Variants in FAM227A observed in about 807,000 individuals in gnomAD.
FAM227A encodes the protein family with sequence similarity 227 member A.
Under a neutral mutation model 74.7 loss-of-function variants are expected in FAM227A, and 80 were observed. That is an observed-to-expected ratio of 1.07 (90% CI 0.89 to 1.29). FAM227A has a LOEUF of 1.29. Ranked by LOEUF, FAM227A falls within the 50% of genes most tolerant of loss-of-function variation. FAM227A has a pLI of 0.00. For missense variants in FAM227A, 654 were observed against 683.4 expected, an observed-to-expected ratio of 0.96 and a Z score of 0.48; for synonymous variants, 237 against 241.8, an observed-to-expected ratio of 0.98 and a Z score of 0.19.
intron 15 of FAM227A, among the ~76,000 whole-genome samples, chr22:38,595,426 A>G (rs1258531251): frequency 6.6e-6 from 1 of 152,240 alleles, no homozygotes; most frequent in Non-Finnish European, 1.5e-5. Flanking sequence ...AAGAAAGATA[A>G]AAGAAAGTGA....
At chr22:38,635,793 A>C (rs1211730623) in intron 6 of FAM227A, among the ~76,000 whole-genome samples, 3 of 152,100 alleles carry the variant, frequency 2.0e-5, no homozygotes, top group Admixed American at 2.0e-4. Flanking sequence ...TGAGCCCTGG[A>C]GTTGGAGAAT....
chr22:38,608,467 G>A (rs1257846810), intron 11 of FAM227A, among the ~76,000 whole-genome samples: 2 of 151,726 alleles, frequency 1.3e-5, no homozygotes, highest in Non-Finnish European at 2.9e-5. Flanking sequence ...ATCTTGCTCC[G>A]TTGCCTAGGC....
intron 11 of FAM227A, among the ~76,000 whole-genome samples, chr22:38,608,155 C>CAA (rs35387385): frequency 1.1e-3 from 83 of 76,796 alleles, no homozygotes; most frequent in African/African-American, 1.2e-3. Flanking sequence ...CTTTTCTCTA[C>CAA]AAAAAAAAAA....
chr22:38,645,432 C>T, intron 3 of FAM227A, 131 bp downstream of exon 3: 1 of 610,542 alleles, frequency 1.6e-6, no homozygotes, highest in Non-Finnish European at 2.9e-6. Flanking sequence ...AAAAAATTAA[C>T]TTTGAATACT....
intron 9 of FAM227A, among the ~76,000 whole-genome samples, chr22:38,624,893 C>T (rs1279520079): frequency 6.6e-6 from 1 of 152,188 alleles, no homozygotes; most frequent in Non-Finnish European, 1.5e-5. Flanking sequence ...CGAGACTACA[C>T]TTAAACGCAG....
rs1305504982 is a variant in FAM227A, at chr22:38,628,955, AGTAT to A, written c.520-24_520-21del. On this transcript the variant is annotated intron_variant, in intron 6 of 16. Transcript: ENST00000535113. ...GAAATGCTTGGAAAAAAAAATTCAC[AGTAT>A]TATTATTGTTGTTATCTTTTTAAAA... 4.5e-6 allele frequency: 6 copies of A among 1,341,106 alleles called. No homozygotes were observed. Among genetic ancestry groups the A allele is most frequent in the African/African-American group, 3.0e-5 (2 of 66,472 alleles). The allele number at this position is 1,341,106 out of a possible 1,614,324, so 83.1% of individuals were successfully genotyped here. A position where few individuals can be genotyped will look rare whatever the true frequency, so the allele number is the denominator to read the frequency against.
chr22:38,653,156 T>C (rs954243505), intron 1 of FAM227A, among the ~76,000 whole-genome samples: 1 of 152,106 alleles, frequency 6.6e-6, no homozygotes, highest in African/African-American at 2.4e-5. Context: ...CAAACCCTAT[T>C]ATGAACTGTG....
At chr22:38,648,366 G>T (rs774222892) in intron 2 of FAM227A, among the ~76,000 whole-genome samples, 14 of 151,824 alleles carry the variant, frequency 9.2e-5, no homozygotes, top group Middle Eastern at 6.8e-3. Context: ...CAAGCACTTT[G>T]GGAGGCTGAG....
chr22:38,609,765 TTTTC>T lies in FAM227A; in HGVS notation c.1039-2293_1039-2290del, dbSNP rs1555958173. Among the ~76,000 whole-genome samples, 75 of 151,498 alleles carry T rather than the reference TTTTC, an allele frequency of 5.0e-4. 1 individual carries two copies. Among genetic ancestry groups the T allele is most frequent in the Admixed American group, 2.0e-3 (30 of 15,236 alleles). On this transcript the variant is annotated intron_variant, in intron 11 of 16. Transcript: ENST00000535113. ...GAAGCATCAATGCTCATTCTTTTTCTTTTCTTTCTTTTTTTTTTTGTTTGAGGTG... is the reference window on the plus strand; with the variant it reads ...GAAGCATCAATGCTCATTCTTTTTCTTTTCTTTTTTTTTTTGTTTGAGGTG...
At chr22:38,612,989 T>C (rs900500582) in intron 11 of FAM227A, among the ~76,000 whole-genome samples, 1 of 142,570 alleles carries the variant, frequency 7.0e-6, no homozygotes, top group Non-Finnish European at 1.5e-5. Context: ...TACAGAGGCC[T>C]TCTTTCACTG....
chr22:38,582,915 G>A lies in FAM227A; in HGVS notation c.*3210C>T, dbSNP rs2090730649. The A allele has an allele frequency of 6.4e-7, 1 of 1,550,428 alleles. No homozygotes were observed. The highest frequency in any genetic ancestry group is 2.0e-5 in the Admixed American group (1 of 50,984). The stretch of plus-strand genomic sequence containing the variant: ...CCAAGATGAGGGACGTCTAAGCGGG[G>A]TCCTGGAGGAAGAGCAGGAATTAGT... On this transcript the variant is annotated 3_prime_UTR_variant, in exon 17 of 17. Coordinates refer to ENST00000535113, the MANE Select transcript of FAM227A (RefSeq NM_001013647.2).
At chr22:38,611,156 TG>T (rs2091404932) in intron 11 of FAM227A, among the ~76,000 whole-genome samples, 1 of 152,196 alleles carries the variant, frequency 6.6e-6, no homozygotes, top group Non-Finnish European at 1.5e-5. Flanking sequence ...CCATAAGGGT[TG>T]GGGGTAAACC....
Position 38,581,104 on chromosome 22 carries a change from A to G in FAM227A, c.*5021T>C, listed in dbSNP as rs965181743. ...ACCAATCCGTTTTTTAAAAGTCACA[A>G]TATGAACTTACAGGTGAGAACACGT... On this transcript the variant is annotated 3_prime_UTR_variant, in exon 17 of 17. Coordinates refer to ENST00000535113, the MANE Select transcript of FAM227A (RefSeq NM_001013647.2). 4.6e-5 allele frequency: 7 copies of G among 152,184 alleles called. No homozygotes were observed. Among genetic ancestry groups the G allele is most frequent in the African/African-American group, 1.7e-4 (7 of 41,442 alleles). The allele number at this position is 152,184 out of a possible 1,614,324, so 9.4% of individuals were successfully genotyped here.
In FAM227A at chr22:38,584,952, A is replaced by G. The variant is rs890154493; in HGVS notation, c.*1173T>C. 4 of 151,970 alleles carry G rather than the reference A, an allele frequency of 2.6e-5. No homozygotes were observed. Among genetic ancestry groups the G allele is most frequent in the African/African-American group, 9.7e-5 (4 of 41,350 alleles). 9.4% of individuals were successfully genotyped at this position (151,970 alleles called of 1,614,324 possible). A position where few individuals can be genotyped will look rare whatever the true frequency, so the allele number is the denominator to read the frequency against. ...GCTGGGATTACAGGTGCCCGCCACAACATCCAGCTAATTTTTGTATTTTTA... is the reference window on the plus strand; with the variant it reads ...GCTGGGATTACAGGTGCCCGCCACAGCATCCAGCTAATTTTTGTATTTTTA... On this transcript the variant is annotated 3_prime_UTR_variant, in exon 17 of 17. Transcript: ENST00000535113.
intron 2 of FAM227A, among the ~76,000 whole-genome samples, chr22:38,646,765 CATT>C (rs1282303448): frequency 6.6e-6 from 1 of 151,840 alleles, no homozygotes. Flanking sequence ...TTTTAAATGA[CATT>C]ATACTAATCC....
intron 11 of FAM227A, among the ~76,000 whole-genome samples, chr22:38,612,885 G>C (rs927866233): frequency 1.3e-5 from 2 of 150,740 alleles, no homozygotes; most frequent in African/African-American, 4.9e-5. Flanking sequence ...GACTCTTCCA[G>C]GGTAGCTGTG....
chr22:38,584,368 T>G lies in FAM227A; in HGVS notation c.*1757A>C, dbSNP rs2146096512. The G allele has an allele frequency of 6.6e-6, 1 of 152,202 alleles. No individual in the cohort carries two copies. Among genetic ancestry groups the G allele is most frequent in the African/African-American group, 2.4e-5 (1 of 41,510 alleles). The allele number at this position is 152,202 out of a possible 1,614,324, so 9.4% of individuals were successfully genotyped here. ...CCATCTTGGGGGACACCAGGAAGGT[T>G]AACTGAGATAATGTCTAAACCAGAC... On this transcript the variant is annotated 3_prime_UTR_variant, in exon 17 of 17. Coordinates refer to ENST00000535113, the MANE Select transcript of FAM227A (RefSeq NM_001013647.2).
rs865941836 is a variant in FAM227A, at chr22:38,581,246, T to G, written c.*4879A>C. On this transcript the variant is annotated 3_prime_UTR_variant, in exon 17 of 17. Coordinates refer to ENST00000535113, the MANE Select transcript of FAM227A (RefSeq NM_001013647.2). Reference sequence around the variant, plus strand: ...TTTCTGACAGGATCCTTGTCTTTGATAGCTTCCTTGGTGTTAAGTGTGATA... The same window carrying G: ...TTTCTGACAGGATCCTTGTCTTTGAGAGCTTCCTTGGTGTTAAGTGTGATA... The G allele has an allele frequency of 1.3e-5, 2 of 152,202 alleles. No homozygotes were observed. Among genetic ancestry groups the G allele is most frequent in the Non-Finnish European group, 2.9e-5 (2 of 68,034 alleles). 9.4% of individuals were successfully genotyped at this position (152,202 alleles called of 1,614,324 possible).
At chr22:38,597,143 T>C in intron 15 of FAM227A, 61 bp downstream of exon 15, 6 of 1,494,088 alleles carry the variant, frequency 4.0e-6, no homozygotes, top group East Asian at 2.5e-5. Flanking sequence ...AAAATGATGA[T>C]GATCGTGTGC....
Sources: allele counts gnomAD v4.1 joint callset (sites outside exome capture counted in the v4.1 genomes callset), GRCh38; gene constraint gnomAD v4.1.1; transcripts MANE v1.5; gene names NCBI Gene and HGNC (gene_info 2026-07-23, HGNC 2026-07-21).